Variants in NEGR1 observed in about 807,000 individuals in gnomAD.
NEGR1 encodes IgLON family member 4.
In NEGR1, 10 loss-of-function variants were observed where a neutral mutation model predicts 40.9. The observed-to-expected ratio is 0.24, with a 90% CI of 0.15 to 0.42. NEGR1 has a LOEUF of 0.42. Among genes scored for constraint, NEGR1 ranks in the 10% least tolerant of loss-of-function variants. The pLI, the probability that NEGR1 is intolerant of heterozygous loss-of-function variation, is 1.00. For synonymous variants in NEGR1, 185 were observed against 166.8 expected, an observed-to-expected ratio of 1.11 and a Z score of -0.84; for missense variants, 352 against 438.9, an observed-to-expected ratio of 0.80 and a Z score of 1.77.
rs1427898833 is a variant in NEGR1 at position 71,922,036 on chromosome 1, G to T, written c.409+13043C>A. 4.6e-5 allele frequency among the ~76,000 whole-genome samples: 7 copies of T among 152,102 alleles called. No homozygotes were observed. In the East Asian group the frequency reaches 1.4e-3, roughly 30 times the overall value. ...ATGAAGGAGAGAACCTCAGAGATTT[G>T]TAACAAGAAGAAGCCGCTAATACTT... is the stretch of plus-strand genomic sequence containing the variant. On this transcript the variant is annotated intron_variant, in intron 2 of 6. Transcript: ENST00000357731.
chr1:72,081,026 G>A (rs1647974333), intron 1 of NEGR1, among the ~76,000 whole-genome samples: 1 of 152,038 alleles, frequency 6.6e-6, no homozygotes, highest in Non-Finnish European at 1.5e-5. Context: ...AAAAAAATAA[G>A]AGAAACAATT....
intron 1 of NEGR1, among the ~76,000 whole-genome samples, chr1:72,025,445 TA>T (rs1473782810): frequency 2.6e-5 from 4 of 152,198 alleles, no homozygotes; most frequent in Admixed American, 6.5e-5. Context: ...AAGTATTTAT[TA>T]ATTAATAAAA....
intron 6 of NEGR1, among the ~76,000 whole-genome samples, chr1:71,555,928 G>A (rs950418561): frequency 6.6e-6 from 1 of 151,416 alleles, no homozygotes; most frequent in Non-Finnish European, 1.5e-5. Flanking sequence ...TCAGGTTTCT[G>A]TTTGGTAATG....
In NEGR1 at chr1:71,663,082, G is replaced by T. The variant is rs550711230; in HGVS notation, c.667+34926C>A. On this transcript the variant is annotated intron_variant, in intron 4 of 6. Coordinates refer to ENST00000357731, the MANE Select transcript of NEGR1 (RefSeq NM_173808.3). The stretch of plus-strand genomic sequence containing the variant: ...TACCATTCTCCTGCCTCAGCCTCCC[G>T]AGTAGCTGGGACTACAGGCGCCTGC... Among the ~76,000 whole-genome samples, 3 of 151,604 alleles carry T rather than the reference G, an allele frequency of 2.0e-5. No homozygotes were observed. The South Asian group carries it at 6.3e-4, about 32-fold the overall frequency.
chr1:71,768,891 A>C (rs1656220424), intron 3 of NEGR1, among the ~76,000 whole-genome samples: 1 of 151,984 alleles, frequency 6.6e-6, no homozygotes, highest in African/African-American at 2.4e-5. Context: ...TGGTTGTTTA[A>C]AAGAGTGTAG....
intron 2 of NEGR1, among the ~76,000 whole-genome samples, chr1:71,796,189 G>A (rs900900623): frequency 2.0e-5 from 3 of 152,080 alleles, no homozygotes; most frequent in African/African-American, 7.2e-5. Context: ...TTCCTTCCAA[G>A]CATACAGAAG....
At chr1:71,882,193 G>A (rs1228627777) in intron 2 of NEGR1, among the ~76,000 whole-genome samples, 1 of 152,006 alleles carries the variant, frequency 6.6e-6, no homozygotes, top group Admixed American at 6.6e-5. Flanking sequence ...GTAGTTAGAA[G>A]GTGCAATTTA....
chr1:72,171,992 C>T lies in NEGR1; in HGVS notation c.176+110327G>A, dbSNP rs147669319. On this transcript the variant is annotated intron_variant, in intron 1 of 6. Coordinates refer to ENST00000357731, the MANE Select transcript of NEGR1 (RefSeq NM_173808.3). ...TCTAGAAAGTCAACTGGAGACCTTC[C>T]TTGTCAGGCCATTAATTTTAAAGTA... Among the ~76,000 whole-genome samples the T allele has an allele frequency of 7.1e-3, 1,076 of 152,098 alleles. 10 individuals are homozygous for T. Among genetic ancestry groups the T allele is most frequent in the African/African-American group, 0.024 (1,007 of 41,512 alleles).
At chr1:71,483,964 T>A (rs1646870788) in intron 6 of NEGR1, among the ~76,000 whole-genome samples, 1 of 151,802 alleles carries the variant, frequency 6.6e-6, no homozygotes. Context: ...GTGAAAAATG[T>A]ATAGATTATT....
intron 4 of NEGR1, among the ~76,000 whole-genome samples, chr1:71,637,379 A>G (rs893771334): frequency 2.0e-5 from 3 of 152,014 alleles, no homozygotes; most frequent in African/African-American, 7.2e-5. Context: ...TATATGTTCA[A>G]TTATATATGA....
intron 3 of NEGR1, among the ~76,000 whole-genome samples, chr1:71,766,238 A>G (rs1444818061): frequency 6.6e-6 from 1 of 152,028 alleles, no homozygotes; most frequent in Non-Finnish European, 1.5e-5. Flanking sequence ...GGTCAGTAGA[A>G]AGGAAAAAGT....
At chr1:71,534,343 G>T (rs941206027) in intron 6 of NEGR1, among the ~76,000 whole-genome samples, 1 of 151,538 alleles carries the variant, frequency 6.6e-6, no homozygotes, top group African/African-American at 2.4e-5. Context: ...CTGTCCAAAA[G>T]ACATCTTTTG....
intron 1 of NEGR1, among the ~76,000 whole-genome samples, chr1:72,244,982 A>G (rs1654859404): frequency 6.6e-6 from 1 of 152,056 alleles, no homozygotes; most frequent in Non-Finnish European, 1.5e-5. Context: ...GCACAAAAAT[A>G]CAAAAACATA....
intron 1 of NEGR1, among the ~76,000 whole-genome samples, chr1:71,936,699 C>G (rs906416243): frequency 6.6e-6 from 1 of 152,126 alleles, no homozygotes; most frequent in Non-Finnish European, 1.5e-5. Context: ...AAAACTGGAT[C>G]CACATGATGA....
At chr1:72,081,311 T>A (rs1647986762) in intron 1 of NEGR1, among the ~76,000 whole-genome samples, 2 of 152,098 alleles carry the variant, frequency 1.3e-5, no homozygotes, top group Non-Finnish European at 2.9e-5. Flanking sequence ...AAGAATGGAA[T>A]AAGAGGAGCT....
chr1:71,764,292 G>A (rs75459942), intron 3 of NEGR1, among the ~76,000 whole-genome samples: 11,085 of 152,206 alleles, frequency 0.073, 507 homozygotes, highest in East Asian at 0.14. Flanking sequence ...AGGATGCATA[G>A]TTATTTTAGG....
intron 2 of NEGR1, among the ~76,000 whole-genome samples, chr1:71,844,844 A>T (rs1171828207): frequency 6.6e-6 from 1 of 152,162 alleles, no homozygotes; most frequent in African/African-American, 2.4e-5. Context: ...CAGGACAGAG[A>T]TTGTCTTGTC....
intron 1 of NEGR1, among the ~76,000 whole-genome samples, chr1:71,967,389 C>A (rs150832103): frequency 1.3e-3 from 199 of 152,172 alleles, no homozygotes; most frequent in Admixed American, 2.2e-3. Flanking sequence ...TCTTCCATGG[C>A]ACACTCAGGC....
At chr1:72,093,944 T>C (rs542482012) in intron 1 of NEGR1, among the ~76,000 whole-genome samples, 62 of 152,322 alleles carry the variant, frequency 4.1e-4, no homozygotes, top group Admixed American at 1.5e-3. Flanking sequence ...TTAAAAAGAA[T>C]TGAACAGCAT....
Sources: allele counts gnomAD v4.1 joint callset (sites outside exome capture counted in the v4.1 genomes callset), GRCh38; gene constraint gnomAD v4.1.1; transcripts MANE v1.5; gene names NCBI Gene and HGNC (gene_info 2026-07-23, HGNC 2026-07-21).